The following DLGAP2 variants were observed in gnomAD, a reference collection of about 807,000 sequenced individuals.
DLGAP2 encodes DLG associated protein 2.
A neutral mutation model predicts 100.3 loss-of-function variants in DLGAP2; 26 were observed. The ratio of observed to expected loss-of-function variants is 0.26; its 90% CI spans 0.19 to 0.36. The LOEUF (loss-of-function observed/expected upper bound fraction) is 0.36, where lower values mean the gene tolerates loss of function less well. Ranked by LOEUF, DLGAP2 falls within the 10% of genes least tolerant of loss-of-function variation. The pLI is 1.00. For missense variants in DLGAP2, 1,858 were observed against 1,453.2 expected (o/e 1.28, Z -4.53); for synonymous variants, 886 against 630.1 (o/e 1.41, Z -6.08).
At chr8:1,629,101 G>A (rs1001239496) in intron 7 of DLGAP2, among the ~76,000 whole-genome samples, 1 of 152,202 alleles carries the variant, frequency 6.6e-6, no homozygotes, top group African/African-American at 2.4e-5. Flanking sequence ...GGCTCAGTAA[G>A]CACAAGTCTT....
intron 2 of DLGAP2, among the ~76,000 whole-genome samples, chr8:1,171,596 C>G (rs12677443): frequency 0.1 from 15,483 of 152,038 alleles, 949 homozygotes; most frequent in East Asian, 0.23. Context: ...ATTTAGGATA[C>G]TTAGCTCTTC....
At chr8:1,337,266 TGAG>T (rs1483942440) in intron 3 of DLGAP2, among the ~76,000 whole-genome samples, 2 of 135,098 alleles carry the variant, frequency 1.5e-5, no homozygotes, top group Non-Finnish European at 3.2e-5. Flanking sequence ...GTGGTGATGA[TGAG>T]GATGATGGTG....
intron 3 of DLGAP2, among the ~76,000 whole-genome samples, chr8:1,289,970 G>T (rs1800022721): frequency 1.3e-5 from 2 of 152,190 alleles, no homozygotes; most frequent in Admixed American, 6.5e-5. Flanking sequence ...CTGGGGATAA[G>T]ATATAGGCAG....
chr8:798,541 G>T (rs1296290594), intron 1 of DLGAP2, among the ~76,000 whole-genome samples: 1 of 135,238 alleles, frequency 7.4e-6, no homozygotes, highest in Non-Finnish European at 1.6e-5. Flanking sequence ...CCCGTGCCCC[G>T]GCGCTGGCCA....
intron 3 of DLGAP2, among the ~76,000 whole-genome samples, chr8:1,439,994 C>G (rs575952782): frequency 1.3e-5 from 2 of 152,064 alleles, no homozygotes; most frequent in Non-Finnish European, 2.9e-5. Context: ...TCACCAGAGC[C>G]ACACTCTAGT....
chr8:1,688,310 C>G (rs548703978), intron 12 of DLGAP2: 1 of 152,246 alleles, frequency 6.6e-6, no homozygotes, highest in African/African-American at 2.4e-5. Context: ...GATTTGTGAA[C>G]GGCACAAGGC....
intron 2 of DLGAP2, among the ~76,000 whole-genome samples, chr8:926,267 A>T (rs1305360283): frequency 6.6e-6 from 1 of 152,062 alleles, no homozygotes; most frequent in Non-Finnish European, 1.5e-5. Flanking sequence ...GGGACCATTC[A>T]GCCTGGCCAG....
chr8:1,084,764 T>A (rs1230201884), intron 2 of DLGAP2, among the ~76,000 whole-genome samples: 1 of 152,200 alleles, frequency 6.6e-6, no homozygotes, highest in Non-Finnish European at 1.5e-5. Context: ...CACACTTCCT[T>A]TATTCGTTGC....
chr8:1,231,909 T>C (rs1798543811), intron 2 of DLGAP2, among the ~76,000 whole-genome samples: 16 of 152,004 alleles, frequency 1.1e-4, no homozygotes, highest in African/African-American at 2.4e-5. Context: ...CATCCTACAA[T>C]AGACCCAGGT....
intron 2 of DLGAP2, among the ~76,000 whole-genome samples, chr8:1,127,215 A>G (rs1754833994): frequency 6.6e-6 from 1 of 151,286 alleles, no homozygotes; most frequent in South Asian, 2.1e-4. Context: ...CGCCTCTTGC[A>G]GGGTTGCTGT....
At chr8:1,533,738 G>T (rs1258039936) in intron 4 of DLGAP2, among the ~76,000 whole-genome samples, 1 of 151,988 alleles carries the variant, frequency 6.6e-6, no homozygotes, top group East Asian at 1.9e-4. Flanking sequence ...GTCATCAATA[G>T]TACCTTAAAA....
intron 3 of DLGAP2, among the ~76,000 whole-genome samples, chr8:1,318,787 C>T (rs1366789943): frequency 7.5e-6 from 1 of 133,304 alleles, no homozygotes; most frequent in Non-Finnish European, 1.6e-5. Context: ...AGCCCCCCCC[C>T]CGCCCCCTCG....
At chr8:1,373,490 C>G (rs945008092) in intron 3 of DLGAP2, among the ~76,000 whole-genome samples, 12 of 152,242 alleles carry the variant, frequency 7.9e-5, no homozygotes, top group African/African-American at 2.9e-4. Flanking sequence ...GTTTGTGTTT[C>G]TGTGGACACG....
At chr8:1,538,188 T>C (rs904249482) in intron 4 of DLGAP2, among the ~76,000 whole-genome samples, 4 of 152,142 alleles carry the variant, frequency 2.6e-5, no homozygotes, top group African/African-American at 9.7e-5. Context: ...TTCCTTCCTG[T>C]TTTCTCTCCC....
At chr8:813,572 G>A (rs545954840) in intron 1 of DLGAP2, among the ~76,000 whole-genome samples, 26 of 152,260 alleles carry the variant, frequency 1.7e-4, no homozygotes, top group South Asian at 6.2e-4. Flanking sequence ...GGAATAAACA[G>A]GAAGGTAAAC....
chr8:1,427,014 AAAG>A (rs1797256443), intron 3 of DLGAP2, among the ~76,000 whole-genome samples: 1 of 152,348 alleles, frequency 6.6e-6, no homozygotes, highest in South Asian at 2.1e-4. Context: ...TGAATAATTT[AAAG>A]AAGAGGCTTC....
rs563152605 is a variant in DLGAP2 at position 1,522,203 on chromosome 8, G to T, written c.172+20772G>T. On this transcript the variant is annotated intron_variant, in intron 4 of 14. Coordinates refer to ENST00000637795, the MANE Select transcript of DLGAP2 (RefSeq NM_001346810.2). ...TGTCCTCTTCGGTGGGGTCCACTCA[G>T]ACCTTTCGCCCATTTTTCCCAGTTG... Among the ~76,000 whole-genome samples the T allele has an allele frequency of 2.0e-5, 3 of 152,334 alleles. No individual in the cohort carries two copies. The South Asian group carries it at 6.2e-4, about 32-fold the overall frequency.
chr8:967,477 C>A (rs956332585), intron 2 of DLGAP2, among the ~76,000 whole-genome samples: 1 of 151,874 alleles, frequency 6.6e-6, no homozygotes, highest in African/African-American at 2.4e-5. Context: ...TGTTTGGATG[C>A]CTTCATGAAT....
chr8:1,237,291 A>T (rs1461746796), intron 2 of DLGAP2, among the ~76,000 whole-genome samples: 6 of 124,154 alleles, frequency 4.8e-5, no homozygotes, highest in Middle Eastern at 4.9e-3. Flanking sequence ...ACATAGCGTC[A>T]TGTCTAGTTC....
Sources: allele counts gnomAD v4.1 joint callset (sites outside exome capture counted in the v4.1 genomes callset), GRCh38; gene constraint gnomAD v4.1.1; transcripts MANE v1.5; gene names NCBI Gene and HGNC (gene_info 2026-07-23, HGNC 2026-07-21).